The following RAD23B variants were observed in gnomAD, a reference collection of about 807,000 sequenced individuals.
RAD23B encodes the protein RAD23 nucleotide excision repair protein B.
RAD23B carries 5 observed loss-of-function variants against 49.1 expected under a neutral mutation model. That is an observed-to-expected ratio of 0.10 (90% CI 0.05 to 0.21). The LOEUF is 0.21. Among genes scored for constraint, RAD23B ranks in the 10% least tolerant of loss-of-function variants. The pLI, the probability that RAD23B is intolerant of heterozygous loss-of-function variation, is 1.00. For missense variants in RAD23B, 356 were observed against 486.7 expected, an observed-to-expected ratio of 0.73 and a Z score of 2.53; for synonymous variants, 184 against 165.4, an observed-to-expected ratio of 1.11 and a Z score of -0.86.
In RAD23B at chr9:107,318,804, T is replaced by C. The variant is rs781650699; in HGVS notation, c.606T>C (p.Tyr202=). Reference sequence around the variant, plus strand: ...TAACTGAGATCATGTCAATGGGCTATGAACGAGAGCAAGTAATTGCAGCCC... The same window carrying C: ...TAACTGAGATCATGTCAATGGGCTACGAACGAGAGCAAGTAATTGCAGCCC... The part of the protein sequence containing the change: ...NMVTEIMSMG[Y]EREQVIAALR... The change falls in exon 6 of 10, where the codon TAT becomes TAC. Residue 202 remains tyrosine (Y), a synonymous_variant. Coordinates refer to ENST00000358015, the MANE Select transcript of RAD23B (RefSeq NM_002874.5). This position sits in a 1 kb window ranked among gnomAD's most constrained non-coding sequence, Gnocchi z 4.3. The C allele has an allele frequency of 1.2e-6, 2 of 1,613,736 alleles. No homozygotes were observed. Among genetic ancestry groups the C allele is most frequent in the South Asian group, 1.1e-5 (1 of 91,080 alleles).
intron 5 of RAD23B, among the ~76,000 whole-genome samples, chr9:107,312,172 A>G (rs1281797016): frequency 6.6e-6 from 1 of 152,228 alleles, no homozygotes; most frequent in East Asian, 1.9e-4. Context: ...ATTGGCTTGC[A>G]GCAAAAATGC....
rs1826892364 is a variant in RAD23B, at chr9:107,311,702, G to A, written c.518G>A (p.Arg173Gln). 2.6e-6 allele frequency: 4 copies of A among 1,565,082 alleles called. No individual in the cohort carries two copies. Among genetic ancestry groups the A allele is most frequent in the Non-Finnish European group, 3.4e-6 (4 of 1,163,484 alleles). Residue 173 changes from arginine to glutamine, a missense_variant, in exon 5 of 10, where the codon CGG becomes CAG. By Grantham distance (43) the Arg-to-Gln change is conservative. This residue lies in a region of RAD23B where 137 missense variants were observed against 122.0 expected (regional missense o/e 1.12). Coordinates refer to ENST00000358015, the MANE Select transcript of RAD23B (RefSeq NM_002874.5). Reference protein sequence around the residue: ...ATDSTSGDSSRSNLFEDATSA... With the variant: ...ATDSTSGDSSQSNLFEDATSA... Reference sequence around the variant, plus strand: ...TGTAGTACATCGGGTGATTCTTCTCGGTCAAACCTTTTTGAAGATGCAACG... The same window carrying A: ...TGTAGTACATCGGGTGATTCTTCTCAGTCAAACCTTTTTGAAGATGCAACG...
intron 9 of RAD23B, among the ~76,000 whole-genome samples, chr9:107,328,393 CGTTA>C (rs773592547): frequency 2.6e-5 from 4 of 151,970 alleles, no homozygotes; most frequent in Non-Finnish European, 5.9e-5. Context: ...GATCATCAGG[CGTTA>C]GTTAGGTTAG....
intron 9 of RAD23B, among the ~76,000 whole-genome samples, chr9:107,326,327 A>G (rs997113659): frequency 2.0e-5 from 3 of 151,346 alleles, no homozygotes; most frequent in African/African-American, 7.3e-5. Context: ...AAAATACAAA[A>G]AAAATTAGCC....
chr9:107,292,930 T>C (rs1010825177), intron 1 of RAD23B, among the ~76,000 whole-genome samples: 2 of 152,190 alleles, frequency 1.3e-5, no homozygotes, highest in African/African-American at 4.8e-5. Context: ...ATTAGAACAG[T>C]AAACACTTAC....
chr9:107,284,635 T>G, intron 1 of RAD23B: 1 of 856,600 alleles, frequency 1.2e-6, no homozygotes, highest in South Asian at 3.2e-5. Context: ...GCCAAGAATC[T>G]AAAAACGCTG....
chr9:107,284,885 C>A, intron 1 of RAD23B: 1 of 1,268,826 alleles, frequency 7.9e-7, no homozygotes, highest in Non-Finnish European at 1.0e-6. Context: ...GGGATAATAC[C>A]TGCCTTGCAG....
At chr9:107,296,330 T>C (rs979466282) in intron 1 of RAD23B, among the ~76,000 whole-genome samples, 1 of 152,234 alleles carries the variant, frequency 6.6e-6, no homozygotes, top group Admixed American at 6.5e-5. Context: ...TTTGATACTT[T>C]AATTCTTATT....
chr9:107,293,773 G>A (rs1459622046), intron 1 of RAD23B, among the ~76,000 whole-genome samples: 2 of 152,126 alleles, frequency 1.3e-5, no homozygotes, highest in African/African-American at 4.8e-5. Flanking sequence ...ACCTAAATTT[G>A]TCGAATGAAA....
rs1251003977 is a variant in RAD23B at position 107,294,883 on chromosome 9, G to A, written c.67-5258G>A. Among the ~76,000 whole-genome samples, 4 of 152,274 alleles carry A rather than the reference G, an allele frequency of 2.6e-5. No homozygotes were observed. In the South Asian group the frequency reaches 8.3e-4, roughly 32 times the overall value. On this transcript the variant is annotated intron_variant, in intron 1 of 9. Coordinates refer to ENST00000358015, the MANE Select transcript of RAD23B (RefSeq NM_002874.5). ...TGGCCAGGGAGGAGGATTTCGTGAAGCAGTGAATGGAGAGATAGGAAAACC... is the reference window on the plus strand; with the variant it reads ...TGGCCAGGGAGGAGGATTTCGTGAAACAGTGAATGGAGAGATAGGAAAACC...
chr9:107,321,952 G>A (rs1451515924), intron 6 of RAD23B, 31 bp from the exon 7 acceptor site: 2 of 1,566,382 alleles, frequency 1.3e-6, no homozygotes, highest in Admixed American at 2.0e-5. Flanking sequence ...TGCATGATGG[G>A]ATATCTTAAA....
chr9:107,284,521 C>T (rs1248402353), intron 1 of RAD23B, among the ~76,000 whole-genome samples: 1 of 152,118 alleles, frequency 6.6e-6, no homozygotes, highest in Non-Finnish European at 1.5e-5. Flanking sequence ...AACTTTGAAT[C>T]CTTTCTGCAG....
In RAD23B at chr9:107,283,461, C is replaced by T. The variant is rs1218577868; in HGVS notation, c.-169C>T. 3.9e-5 allele frequency: 19 copies of T among 481,470 alleles called. No individual in the cohort carries two copies. Among genetic ancestry groups the T allele is most frequent in the Non-Finnish European group, 3.5e-6 (1 of 283,892 alleles). 29.8% of individuals were successfully genotyped at this position (481,470 alleles called of 1,614,324 possible). ...GCAGCGGCGCGGTCCGGGGCACGGG[C>T]TGGGGGAGAGGCCGCTCCGCTGGGC... On this transcript the variant is annotated 5_prime_UTR_variant, in exon 1 of 10. Coordinates refer to ENST00000358015, the MANE Select transcript of RAD23B (RefSeq NM_002874.5).
chr9:107,288,553 C>G (rs1833321578), intron 1 of RAD23B, among the ~76,000 whole-genome samples: 1 of 152,184 alleles, frequency 6.6e-6, no homozygotes, highest in African/African-American at 2.4e-5. Flanking sequence ...TCAAGCGATT[C>G]TCCTGCCTCA....
chr9:107,326,297 G>A (rs1450627180), intron 9 of RAD23B, among the ~76,000 whole-genome samples: 1 of 151,548 alleles, frequency 6.6e-6, no homozygotes, highest in Non-Finnish European at 1.5e-5. Context: ...GGCTAACACG[G>A]TGAAACCCCG....
chr9:107,319,905 A>G (rs1002560196), intron 6 of RAD23B, among the ~76,000 whole-genome samples: 6 of 152,232 alleles, frequency 3.9e-5, no homozygotes, highest in Non-Finnish European at 5.9e-5. Context: ...TCAGACTTCT[A>G]TAATTGTCTG....
chr9:107,284,069 G>C (rs558749580), intron 1 of RAD23B: 6 of 1,014,680 alleles, frequency 5.9e-6, no homozygotes, highest in African/African-American at 1.7e-5. Flanking sequence ...GGAGGGAGAC[G>C]TAGGCGTCGC....
intron 1 of RAD23B, among the ~76,000 whole-genome samples, chr9:107,288,660 G>C (rs1833323312): frequency 6.6e-6 from 1 of 151,870 alleles, no homozygotes; most frequent in Non-Finnish European, 1.5e-5. Context: ...GTTGCCCTGG[G>C]TGGTCTTGAA....
chr9:107,293,961 T>C (rs984658880), intron 1 of RAD23B, among the ~76,000 whole-genome samples: 1 of 152,116 alleles, frequency 6.6e-6, no homozygotes, highest in Middle Eastern at 3.2e-3. Context: ...ATTAAAAAAA[T>C]TTTTTTGGAG....
Sources: allele counts gnomAD v4.1 joint callset (sites outside exome capture counted in the v4.1 genomes callset), GRCh38; gene constraint gnomAD v4.1.1; regional missense constraint gnomAD v4.1.1; non-coding constraint Gnocchi (gnomAD v3.1); transcripts MANE v1.5; gene names NCBI Gene and HGNC (gene_info 2026-07-23, HGNC 2026-07-21).